The following ARHGEF3 variants were observed in gnomAD, a reference collection of about 807,000 sequenced individuals.
ARHGEF3 encodes 59.8 kDA protein.
Under a neutral mutation model 63.2 loss-of-function variants are expected in ARHGEF3, and 28 were observed. The ratio of observed to expected loss-of-function variants is 0.44; its 90% CI spans 0.33 to 0.61. The LOEUF (loss-of-function observed/expected upper bound fraction) is 0.61. Among genes scored for constraint, ARHGEF3 ranks in the 20% least tolerant of loss-of-function variants. ARHGEF3 has a pLI of 0.03. For missense variants in ARHGEF3, 533 were observed against 659.3 expected, an observed-to-expected ratio of 0.81 and a Z score of 2.10; for synonymous variants, 266 against 254.2, an observed-to-expected ratio of 1.05 and a Z score of -0.44.
chr3:56,994,064 CAAAAAA>C (rs60299557), intron 2 of ARHGEF3, among the ~76,000 whole-genome samples: 11 of 59,722 alleles, frequency 1.8e-4, no homozygotes, highest in African/African-American at 4.7e-4. Flanking sequence ...AACTTCGTCT[CAAAAAA>C]AAAAAAAAAA....
intron 4 of ARHGEF3, among the ~76,000 whole-genome samples, chr3:56,878,741 T>C (rs1461923502): frequency 6.6e-6 from 1 of 152,196 alleles, no homozygotes; most frequent in Non-Finnish European, 1.5e-5. Context: ...AGGATCCCTG[T>C]TCTGTAAGAA....
chr3:57,035,230 T>A (rs917379664), intron 1 of ARHGEF3: 20 of 1,031,416 alleles, frequency 1.9e-5, no homozygotes, highest in Non-Finnish European at 2.7e-5. Flanking sequence ...ATTTATGTTA[T>A]AAACACACAA....
intron 3 of ARHGEF3, chr3:56,939,900 T>C (rs1699092652): frequency 6.6e-6 from 1 of 152,196 alleles, no homozygotes; most frequent in South Asian, 2.1e-4. Context: ...TTCTCCCCCA[T>C]TGTTACTATG....
intron 2 of ARHGEF3, among the ~76,000 whole-genome samples, chr3:56,967,642 A>G (rs1167584153): frequency 1.1e-5 from 1 of 90,584 alleles, no homozygotes; most frequent in Non-Finnish European, 1.9e-5. Flanking sequence ...TATATATTAT[A>G]TAATATATAA....
intron 1 of ARHGEF3, chr3:57,074,146 T>C (rs376097047): frequency 8.1e-5 from 130 of 1,614,036 alleles, no homozygotes; most frequent in Non-Finnish European, 1.0e-4. Context: ...TGTGAGGATA[T>C]AGATGCCGAG....
At chr3:56,885,344 G>T (rs969870259) in intron 3 of ARHGEF3, among the ~76,000 whole-genome samples, 6 of 152,176 alleles carry the variant, frequency 3.9e-5, no homozygotes, top group African/African-American at 1.4e-4. Flanking sequence ...GATCATAGAT[G>T]TTGGGCGACA....
chr3:56,747,064 CAGAGAGAGAGAGAG>C (rs5849167), intron 6 of ARHGEF3, among the ~76,000 whole-genome samples: 19 of 148,166 alleles, frequency 1.3e-4, no homozygotes, highest in Non-Finnish European at 2.4e-4. Flanking sequence ...CACACACACA[CAGAGAGAGAGAGAG>C]AGAGAGAGAG....
At chr3:56,932,426 GCTT>G (rs1423662456) in intron 3 of ARHGEF3, among the ~76,000 whole-genome samples, 2 of 151,904 alleles carry the variant, frequency 1.3e-5, no homozygotes, top group Non-Finnish European at 2.9e-5. Flanking sequence ...TTTGTTTCCT[GCTT>G]CTTAAAACAT....
chr3:57,056,820 T>C (rs1704959575), intron 1 of ARHGEF3, among the ~76,000 whole-genome samples: 1 of 152,082 alleles, frequency 6.6e-6, no homozygotes, highest in African/African-American at 2.4e-5. Flanking sequence ...CAAAAGACTA[T>C]GGGATTGAAG....
intron 4 of ARHGEF3, among the ~76,000 whole-genome samples, chr3:56,843,204 T>C (rs955019259): frequency 6.6e-5 from 10 of 152,324 alleles, no homozygotes; most frequent in Non-Finnish European, 1.2e-4. Flanking sequence ...AATTGTTCTG[T>C]GGTGGCTTAG....
chr3:56,897,801 G>A (rs974774693), intron 3 of ARHGEF3, among the ~76,000 whole-genome samples: 1 of 152,014 alleles, frequency 6.6e-6, no homozygotes, highest in African/African-American at 2.4e-5. Flanking sequence ...TCTTGACCTC[G>A]TGATCTGCCC....
intron 3 of ARHGEF3, among the ~76,000 whole-genome samples, chr3:56,951,764 G>C (rs920650749): frequency 6.6e-6 from 1 of 151,938 alleles, no homozygotes; most frequent in Admixed American, 6.6e-5. Flanking sequence ...AGAGTCCTCT[G>C]TATGTTAGAG....
In ARHGEF3 at chr3:57,003,176, C is replaced by T. The variant is rs937589509; in HGVS notation, c.62+31912G>A. Among the ~76,000 whole-genome samples the T allele has an allele frequency of 9.3e-5, 14 of 150,780 alleles. No individual in the cohort carries two copies. The East Asian group carries it at 2.6e-3, about 28-fold the overall frequency. On this transcript the variant is annotated intron_variant, in intron 2 of 12. Transcript: ENST00000338458. ...ATCCCAGCTCTTTGGGAGGCAGAGG[C>T]GGGCGGATCACGAGGTCAAGAGATT...
At chr3:57,052,463 A>AC (rs899042020) in intron 1 of ARHGEF3, among the ~76,000 whole-genome samples, 1 of 151,966 alleles carries the variant, frequency 6.6e-6, no homozygotes, top group African/African-American at 2.4e-5. Context: ...TGCCCGGCTA[A>AC]TTTTTGTATT....
At chr3:56,802,561 G>A (rs2037711664), upstream of ARHGEF3, among the ~76,000 whole-genome samples, 1 of 152,070 alleles carries the variant, frequency 6.6e-6, no homozygotes, top group Admixed American at 6.5e-5. Flanking sequence ...GTCGGTATAC[G>A]AAACATTTCC....
At chr3:56,967,870 A>AAT (rs1560092879) in intron 2 of ARHGEF3, among the ~76,000 whole-genome samples, 1 of 69,374 alleles carries the variant, frequency 1.4e-5, no homozygotes, top group Non-Finnish European at 2.4e-5. Context: ...TGACATATAT[A>AAT]ATATATAATA....
At chr3:56,794,793 G>A (rs2037265149) in intron 1 of ARHGEF3, among the ~76,000 whole-genome samples, 1 of 151,958 alleles carries the variant, frequency 6.6e-6, no homozygotes, top group Non-Finnish European at 1.5e-5. Context: ...TTGTTATCCT[G>A]TATTGTTTTT....
chr3:57,024,541 G>C (rs2107177297), intron 2 of ARHGEF3, among the ~76,000 whole-genome samples: 1 of 152,268 alleles, frequency 6.6e-6, no homozygotes, highest in African/African-American at 2.4e-5. Flanking sequence ...AGGCTGGAGT[G>C]CAGTGGTGCG....
At chr3:56,986,818 A>AC (rs1017377320) in intron 2 of ARHGEF3, among the ~76,000 whole-genome samples, 1 of 151,902 alleles carries the variant, frequency 6.6e-6, no homozygotes, top group African/African-American at 2.4e-5. Context: ...TGAAAAAAAA[A>AC]AAGATAAAAA....
Sources: gnomAD v4.1 joint callset for allele counts (sites outside exome capture counted in the v4.1 genomes callset) on GRCh38, gnomAD v4.1.1 for gene constraint, MANE v1.5 for transcripts, NCBI Gene and HGNC (gene_info 2026-07-23, HGNC 2026-07-21) for gene names.